The following HMCN1 variants were observed in gnomAD, a reference collection of about 807,000 sequenced individuals.
The protein encoded by HMCN1 is hemicentin-1.
Under a neutral mutation model 625.9 loss-of-function variants are expected in HMCN1, and 321 were observed. The ratio of observed to expected loss-of-function variants is 0.51; its 90% CI spans 0.47 to 0.56. HMCN1 has a LOEUF of 0.56. Among genes scored for constraint, HMCN1 ranks in the 20% least tolerant of loss-of-function variants. The pLI, the probability that HMCN1 is intolerant of heterozygous loss-of-function variation, is 0.00. For synonymous variants in HMCN1, 2,425 were observed against 2,417.6 expected (o/e 1.00, Z -0.09); for missense variants, 6,588 against 6,887.3 (o/e 0.96, Z 1.54).
chr1:185,860,616 G>T lies in HMCN1; in HGVS notation c.340-3854G>T, dbSNP rs550391968. ...TGCGCTACCATGCCTGGCTTAAAAT[G>T]TTCTCTTTTTACTTGACATTCTCCA... On this transcript the variant is annotated intron_variant, in intron 2 of 106. Transcript: ENST00000271588. Among the ~76,000 whole-genome samples, 27 of 152,210 alleles carry T rather than the reference G, an allele frequency of 1.8e-4. No individual in the cohort carries two copies. The South Asian group carries it at 3.7e-3, about 21-fold the overall frequency.
intron 1 of HMCN1, among the ~76,000 whole-genome samples, chr1:185,824,212 A>G (rs1557997021): frequency 6.6e-6 from 1 of 152,180 alleles, no homozygotes; most frequent in Non-Finnish European, 1.5e-5. Flanking sequence ...GAGTTGCCCA[A>G]ATGGTTTAAG....
chr1:186,034,456 G>C lies in HMCN1; in HGVS notation c.5750-3478G>C, dbSNP rs551880283. Among the ~76,000 whole-genome samples, 6 of 152,148 alleles carry C rather than the reference G, an allele frequency of 3.9e-5. No homozygotes were observed. The East Asian group carries it at 1.2e-3, about 29-fold the overall frequency. On this transcript the variant is annotated intron_variant, in intron 36 of 106. Coordinates refer to ENST00000271588, the MANE Select transcript of HMCN1 (RefSeq NM_031935.3). ...TTTTTATAGACTTTAAAATACCCCT[G>C]GGGAAAAGGTTTGCACTGACAGAAC...
chr1:186,069,331 A>G (rs1658336029), intron 50 of HMCN1, among the ~76,000 whole-genome samples: 1 of 152,196 alleles, frequency 6.6e-6, no homozygotes, highest in Middle Eastern at 3.2e-3. Context: ...CTAGGTAGAT[A>G]AGACGAAAAG....
intron 15 of HMCN1, among the ~76,000 whole-genome samples, chr1:185,970,849 G>A (rs1245925490): frequency 2.6e-5 from 4 of 151,712 alleles, no homozygotes; most frequent in African/African-American, 9.7e-5. Context: ...TAGTAGAGGC[G>A]GGGTTTCACC....
Position 186,125,646 on chromosome 1 carries a change from A to G in HMCN1, c.12542A>G (p.Asn4181Ser), listed in dbSNP as rs1661605788. The change falls in exon 82 of 107, where the codon AAT (asparagine) becomes AGT (serine). Residue 4181 changes from asparagine to serine, a missense_variant. By Grantham distance (46) the Asn-to-Ser change is conservative. Transcript: ENST00000271588. The part of the protein sequence containing the change: ...IRSTEGHYTV[N>S]ENSQAILPCV... ...AGTACAGAAGGACACTACACGGTCA[A>G]TGAGAATTCACAAGCCATTCTTCCA... 1 of 1,613,410 alleles carries G rather than the reference A, an allele frequency of 6.2e-7. No individual in the cohort carries two copies. The highest frequency in any genetic ancestry group is 8.5e-7 in the Non-Finnish European group (1 of 1,179,462).
chr1:186,039,618 C>G, intron 38 of HMCN1, 110 bp from the exon 39 acceptor site: 1 of 1,217,992 alleles, frequency 8.2e-7, no homozygotes, highest in South Asian at 1.2e-5. Flanking sequence ...AAAAAACAAG[C>G]AAACCCTCCA....
At chr1:186,117,234 G>A (rs1247974172) in intron 76 of HMCN1, 119 bp downstream of exon 76, 3 of 1,390,004 alleles carry the variant, frequency 2.2e-6, no homozygotes, top group African/African-American at 2.9e-5. Context: ...AAGTTCAGGG[G>A]TACACATGCA....
chr1:185,852,591 C>G (rs1421870433), intron 2 of HMCN1, among the ~76,000 whole-genome samples: 3 of 141,826 alleles, frequency 2.1e-5, no homozygotes, highest in Non-Finnish European at 4.5e-5. Context: ...CACACACACA[C>G]ACACACACAC....
At chr1:186,078,068 A>G (rs758436850) in intron 54 of HMCN1, 39 bp from the exon 55 acceptor site, 1 of 1,438,600 alleles carries the variant, frequency 7.0e-7, no homozygotes. Flanking sequence ...TGTTCACTCT[A>G]AGATTAGAGG....
chr1:185,995,852 A>G lies in HMCN1; in HGVS notation c.3778+765A>G, dbSNP rs570834714. On this transcript the variant is annotated intron_variant, in intron 24 of 106. Coordinates refer to ENST00000271588, the MANE Select transcript of HMCN1 (RefSeq NM_031935.3). ...GAAGAGCATTCTTGTCAGAGGGAAT[A>G]CTAGTACAAAGACAAGAAGAAAAGA... 2.6e-5 allele frequency among the ~76,000 whole-genome samples: 4 copies of G among 152,230 alleles called. No homozygotes were observed. The South Asian group carries it at 8.3e-4, about 32-fold the overall frequency.
chr1:185,737,392 G>A (rs1653664390), intron 1 of HMCN1, among the ~76,000 whole-genome samples: 1 of 152,058 alleles, frequency 6.6e-6, no homozygotes, highest in African/African-American at 2.4e-5. Context: ...TCAAGTGATT[G>A]TGCTGCCTTG....
intron 58 of HMCN1, among the ~76,000 whole-genome samples, chr1:186,086,760 A>G (rs1280045006): frequency 6.6e-6 from 1 of 151,358 alleles, no homozygotes; most frequent in Non-Finnish European, 1.5e-5. Flanking sequence ...TGATAGACAT[A>G]GATAGATAGA....
chr1:185,911,352 T>TAGTA (rs1666410010), intron 5 of HMCN1, among the ~76,000 whole-genome samples: 2 of 152,320 alleles, frequency 1.3e-5, no homozygotes, highest in South Asian at 4.1e-4. Context: ...GCATAACAAA[T>TAGTA]AGTAATCCAT....
intron 1 of HMCN1, among the ~76,000 whole-genome samples, chr1:185,773,302 A>G (rs1571329593): frequency 1.3e-5 from 2 of 152,174 alleles, no homozygotes; most frequent in East Asian, 3.9e-4. Context: ...CCTGGTTCCA[A>G]ATGTCAGTAC....
At chr1:185,735,939 TG>T (rs1653534020) in intron 1 of HMCN1, among the ~76,000 whole-genome samples, 1 of 152,182 alleles carries the variant, frequency 6.6e-6, no homozygotes, top group African/African-American at 2.4e-5. Context: ...GTTGAAGAAA[TG>T]AAGCAGTGAT....
intron 46 of HMCN1, among the ~76,000 whole-genome samples, chr1:186,057,969 A>G (rs777673266): frequency 6.6e-6 from 1 of 152,010 alleles, no homozygotes; most frequent in Non-Finnish European, 1.5e-5. Context: ...AGAAATCTGC[A>G]CTTGGCCCAT....
In HMCN1 at chr1:185,925,089, A is replaced by G. The variant is rs1487908761; in HGVS notation, c.1328A>G (p.Tyr443Cys). The part of the protein sequence containing the change: ...VTMPEKTPGY[Y>C]LQPGQIPCSV... ...ATGCCTGAGAAAACCCCAGGATACT[A>G]TCTGCAGCCGGGCCAAATTCCCTGC... Residue 443 changes from tyrosine (Y) to cysteine (C), a missense_variant, in exon 9 of 107, where the codon TAT becomes TGT. By Grantham distance (194) the Tyr-to-Cys change is radical. This residue lies in a region of HMCN1 where 4,628 missense variants were observed against 4,853.1 expected (regional missense o/e 0.95). Coordinates refer to ENST00000271588, the MANE Select transcript of HMCN1 (RefSeq NM_031935.3). 5 of 1,614,004 alleles carry G rather than the reference A, an allele frequency of 3.1e-6. No individual in the cohort carries two copies. The highest frequency in any genetic ancestry group is 4.2e-6 in the Non-Finnish European group (5 of 1,179,948).
At chr1:186,065,580 A>G in intron 49 of HMCN1, 151 bp downstream of exon 49, 1 of 573,038 alleles carries the variant, frequency 1.7e-6, no homozygotes, top group Non-Finnish European at 3.0e-6. Context: ...TTTTTCCTGA[A>G]TTAATTTATA....
At chr1:185,845,885 G>A (rs1289885508) in intron 1 of HMCN1, 141 bp from the exon 2 acceptor site, 1 of 657,946 alleles carries the variant, frequency 1.5e-6, no homozygotes, top group Admixed American at 2.3e-5. Flanking sequence ...GCTACAAATT[G>A]AGAAAGAGTG....
Sources: gnomAD v4.1 joint callset for allele counts (sites outside exome capture counted in the v4.1 genomes callset) on GRCh38, gnomAD v4.1.1 for gene constraint, gnomAD v4.1.1 regional missense constraint, MANE v1.5 for transcripts, NCBI Gene and HGNC (gene_info 2026-07-23, HGNC 2026-07-21) for gene names.